Variants in SAP30BP observed in about 807,000 individuals in gnomAD.
SAP30BP encodes the protein SAP30 binding protein, also known as SAP30-binding protein.
A neutral mutation model predicts 46.3 loss-of-function variants in SAP30BP; 31 were observed. The observed-to-expected ratio is 0.67, with a 90% CI of 0.50 to 0.90. The LOEUF (loss-of-function observed/expected upper bound fraction) is 0.90, where lower values mean the gene tolerates loss of function less well. SAP30BP is among the 40% of genes least tolerant of loss of function. The pLI is 0.00. For missense variants in SAP30BP, 312 were observed against 391.0 expected, an observed-to-expected ratio of 0.80 and a Z score of 1.70; for synonymous variants, 169 against 144.2, an observed-to-expected ratio of 1.17 and a Z score of -1.23.
intron 3 of SAP30BP, among the ~76,000 whole-genome samples, chr17:75,677,334 A>C (rs892266983): frequency 9.3e-5 from 14 of 151,206 alleles, no homozygotes; most frequent in African/African-American, 3.2e-4. Flanking sequence ...CGAACTCCTG[A>C]CCTTGTGATC....
rs1026538711 is a variant in SAP30BP, at chr17:75,707,632, T to C, written c.*1111T>C. On this transcript the variant is annotated 3_prime_UTR_variant, in exon 11 of 11. Transcript: ENST00000584667. ...GACCTGGGGAATATAAGGAACTCTG[T>C]GCATGAGGTTTCAAAAATAAAAATT... 6.6e-6 allele frequency: 1 copy of C among 152,632 alleles called. No homozygotes were observed. The highest frequency in any genetic ancestry group is 1.5e-5 in the Non-Finnish European group (1 of 68,046). The allele number at this position is 152,632 out of a possible 1,614,324, so 9.5% of individuals were successfully genotyped here.
At chr17:75,680,441 C>T (rs1345166167) in intron 3 of SAP30BP, among the ~76,000 whole-genome samples, 1 of 152,218 alleles carries the variant, frequency 6.6e-6, no homozygotes, top group African/African-American at 2.4e-5. Context: ...GGGTTGTGCC[C>T]TGGCCTGGCT....
At position 75,668,595 on chromosome 17, in the gene SAP30BP, A is replaced by G; in HGVS notation, c.186A>G (p.Glu62=). The G allele has an allele frequency of 6.2e-7, 1 of 1,601,538 alleles. No individual in the cohort carries two copies. Among genetic ancestry groups the G allele is most frequent in the South Asian group, 1.1e-5 (1 of 89,314 alleles). The change falls in exon 2 of 11, where the codon GAA becomes GAG. Residue 62 remains glutamate, a synonymous_variant. Coordinates refer to ENST00000584667, the MANE Select transcript of SAP30BP (RefSeq NM_013260.8). Reference sequence around the variant, plus strand: ...TAGGGGGTGATGAAGATGGTTATGAAGAAGAAGAAGATGAGAACAGTAGAC... The same window carrying G: ...TAGGGGGTGATGAAGATGGTTATGAGGAAGAAGAAGATGAGAACAGTAGAC... ...SRLGGDEDGY[E]EEEDENSRQS...
chr17:75,667,693 TGAAA>T, intron 1 of SAP30BP, among the ~76,000 whole-genome samples: 1 of 152,290 alleles, frequency 6.6e-6, no homozygotes, highest in East Asian at 1.9e-4. Context: ...CTAAACTTAC[TGAAA>T]GACTCCGTGC....
intron 3 of SAP30BP, among the ~76,000 whole-genome samples, chr17:75,681,643 A>C (rs1037715923): frequency 6.6e-6 from 1 of 152,212 alleles, no homozygotes; most frequent in African/African-American, 2.4e-5. Flanking sequence ...CAGCAATTGC[A>C]TGCAGGCAGC....
At chr17:75,702,954 G>A (rs1407977701) in intron 6 of SAP30BP, 1 of 351,212 alleles carries the variant, frequency 2.8e-6, no homozygotes, top group Non-Finnish European at 5.3e-6. Flanking sequence ...TAGGTGAGAG[G>A]TCTTAGGACC....
chr17:75,699,505 TA>T (rs56285842), intron 4 of SAP30BP, among the ~76,000 whole-genome samples: 2,888 of 133,954 alleles, frequency 0.022, 41 homozygotes, highest in South Asian at 0.056. Context: ...CCCGTCTCTT[TA>T]AAAAAAAAAA....
chr17:75,703,421 T>C, intron 7 of SAP30BP, 50 bp downstream of exon 7: 1 of 1,554,438 alleles, frequency 6.4e-7, no homozygotes, highest in Non-Finnish European at 8.8e-7. Context: ...CCAGGGTCCT[T>C]TGCTTGTTCC....
At chr17:75,694,176 A>G (rs2060280427) in intron 4 of SAP30BP, among the ~76,000 whole-genome samples, 1 of 151,668 alleles carries the variant, frequency 6.6e-6, no homozygotes, top group African/African-American at 2.4e-5. Flanking sequence ...GATCTTCACA[A>G]ACAGGCTCCT....
At chr17:75,700,019 C>A in intron 5 of SAP30BP, 148 bp downstream of exon 5, 1 of 580,472 alleles carries the variant, frequency 1.7e-6, no homozygotes, top group Non-Finnish European at 3.1e-6. Flanking sequence ...ATCCCACAGT[C>A]CACTTTACCT....
chr17:75,687,267 T>C (rs894880822), intron 3 of SAP30BP, among the ~76,000 whole-genome samples: 4 of 152,204 alleles, frequency 2.6e-5, no homozygotes, highest in Admixed American at 2.0e-4. Context: ...ATGAATTAAC[T>C]ATACAGTAAT....
chr17:75,687,224 T>A (rs1283352905), intron 3 of SAP30BP, among the ~76,000 whole-genome samples: 3 of 152,222 alleles, frequency 2.0e-5, no homozygotes, highest in Non-Finnish European at 4.4e-5. Flanking sequence ...GGTGTATAAA[T>A]CATGCTCAAT....
At chr17:75,705,853 A>C (rs1308829937) in intron 9 of SAP30BP, 155 bp from the exon 10 acceptor site, 2 of 1,175,702 alleles carry the variant, frequency 1.7e-6, no homozygotes, top group Non-Finnish European at 2.4e-6. Flanking sequence ...TTCTTCTTAG[A>C]CATCTCGCCC....
intron 7 of SAP30BP, 27 bp from the exon 8 acceptor site, chr17:75,703,781 C>CT: frequency 1.2e-6 from 2 of 1,607,494 alleles, no homozygotes; most frequent in Non-Finnish European, 1.7e-6. Context: ...CATTTGTCAT[C>CT]TGAGTCATTC....
intron 3 of SAP30BP, chr17:75,683,845 A>G (rs1599124460): frequency 1.3e-5 from 2 of 152,352 alleles, no homozygotes; most frequent in South Asian, 4.1e-4. Context: ...CTTTCAAACA[A>G]GTTAACTCAG....
At chr17:75,693,621 T>G (rs2060271860) in intron 4 of SAP30BP, 139 bp downstream of exon 4, 1 of 676,578 alleles carries the variant, frequency 1.5e-6, no homozygotes, top group Admixed American at 3.1e-5. Context: ...CTCTCAGGGC[T>G]TTGGCATTTC....
chr17:75,692,274 C>T, intron 3 of SAP30BP: 1 of 985,558 alleles, frequency 1.0e-6, no homozygotes, highest in Non-Finnish European at 1.2e-6. Flanking sequence ...CCTTTTGGAG[C>T]CGTGGCGTGG....
chr17:75,691,076 C>T (rs540821251), intron 3 of SAP30BP, among the ~76,000 whole-genome samples: 1 of 152,152 alleles, frequency 6.6e-6, no homozygotes, highest in Non-Finnish European at 1.5e-5. Flanking sequence ...GGTGGGAAGG[C>T]TCATGGAGCT....
rs776959296 is a variant in SAP30BP at position 75,703,355 on chromosome 17, G to A, written c.533G>A (p.Gly178Asp). The change falls in exon 7 of 11, where the codon GGC becomes GAC. Residue 178 changes from glycine to aspartate, a missense_variant. Physicochemically the swap from Gly to Asp is moderately conservative, Grantham distance 94. This residue lies in a region of SAP30BP where 296 missense variants were observed against 346.6 expected (regional missense o/e 0.85). Transcript: ENST00000584667. ...CAGTTCTGTGCCATTGACGAGCTTG[G>A]CACCAACTACCCAAAGGTGCGTCTG... ...LIQFCAIDEL[G>D]TNYPKDMFDP... 1.2e-6 allele frequency: 2 copies of A among 1,614,094 alleles called. No individual in the cohort carries two copies. Among genetic ancestry groups the A allele is most frequent in the Non-Finnish European group, 8.5e-7 (1 of 1,180,016 alleles).
Sources: allele counts gnomAD v4.1 joint callset (sites outside exome capture counted in the v4.1 genomes callset), GRCh38; gene constraint gnomAD v4.1.1; regional missense constraint gnomAD v4.1.1; transcripts MANE v1.5; gene names NCBI Gene and HGNC (gene_info 2026-07-23, HGNC 2026-07-21).